Variants in HHAT observed in about 807,000 individuals in gnomAD.
HHAT encodes protein-cysteine N-palmitoyltransferase HHAT.
A neutral mutation model predicts 70.8 loss-of-function variants in HHAT; 47 were observed. That is an observed-to-expected ratio of 0.66 (90% CI 0.53 to 0.85). The LOEUF (loss-of-function observed/expected upper bound fraction) is 0.85. Ranked by LOEUF, HHAT falls within the 40% of genes least tolerant of loss-of-function variation. HHAT has a pLI of 0.00. For missense variants in HHAT, 609 were observed against 604.8 expected, an observed-to-expected ratio of 1.01 and a Z score of -0.07; for synonymous variants, 228 against 247.6, an observed-to-expected ratio of 0.92 and a Z score of 0.74.
intron 8 of HHAT, among the ~76,000 whole-genome samples, chr1:210,484,254 T>C (rs970074354): frequency 3.9e-5 from 6 of 152,188 alleles, no homozygotes; most frequent in Admixed American, 1.3e-4. Context: ...TTTTTGTCTT[T>C]TATGACATTA....
Position 210,455,878 on chromosome 1 carries a change from T to C in HHAT, c.857-8627T>C, listed in dbSNP as rs772605576. ...TGTATCTGTTTATGCTTTTACTGTTTGTGTGATTATTGTTTTACATGGATA... is the reference window on the plus strand; with the variant it reads ...TGTATCTGTTTATGCTTTTACTGTTCGTGTGATTATTGTTTTACATGGATA... On this transcript the variant is annotated intron_variant, in intron 7 of 11. Coordinates refer to ENST00000261458, the MANE Select transcript of HHAT (RefSeq NM_018194.6). 3.1e-4 allele frequency among the ~76,000 whole-genome samples: 47 copies of C among 152,322 alleles called. No individual in the cohort carries two copies. The Middle Eastern group carries it at 0.01, about 33-fold the overall frequency.
intron 3 of HHAT, among the ~76,000 whole-genome samples, chr1:210,378,019 G>A: frequency 6.6e-6 from 1 of 152,226 alleles, no homozygotes; most frequent in East Asian, 1.9e-4. Flanking sequence ...ATTGTAAGCA[G>A]TAAAATGATT....
intron 10 of HHAT, among the ~76,000 whole-genome samples, chr1:210,596,570 T>A (rs968084618): frequency 9.9e-5 from 15 of 151,804 alleles, no homozygotes; most frequent in African/African-American, 3.2e-4. Context: ...GTGTGCTAAT[T>A]CTTTCTTCTG....
chr1:210,572,785 A>G (rs1184656984), intron 9 of HHAT, among the ~76,000 whole-genome samples: 1 of 152,002 alleles, frequency 6.6e-6, no homozygotes, highest in Non-Finnish European at 1.5e-5. Context: ...GGTCCCAGCT[A>G]CTCAGAAGGC....
At chr1:210,598,832 G>A (rs1041963603) in intron 10 of HHAT, among the ~76,000 whole-genome samples, 10 of 152,350 alleles carry the variant, frequency 6.6e-5, no homozygotes, top group East Asian at 1.9e-4. Context: ...GAGTTTTTAT[G>A]TGTAGCTAGT....
intron 9 of HHAT, among the ~76,000 whole-genome samples, chr1:210,567,527 A>G (rs893693720): frequency 6.6e-6 from 1 of 152,166 alleles, no homozygotes; most frequent in African/African-American, 2.4e-5. Context: ...AAAATATTTA[A>G]CTCAATGGAA....
Position 210,463,526 on chromosome 1 carries a change from T to C in HHAT, c.857-979T>C, listed in dbSNP as rs74455355. ...GGTCTATTGTATGGACAGACCACAT[T>C]GTGTCTATCCATGCATTTGTTGACA... On this transcript the variant is annotated intron_variant, in intron 7 of 11. Coordinates refer to ENST00000261458, the MANE Select transcript of HHAT (RefSeq NM_018194.6). Among the ~76,000 whole-genome samples, 1,305 of 152,342 alleles carry C rather than the reference T, an allele frequency of 8.6e-3. 15 individuals are homozygous for C. The highest frequency in any genetic ancestry group is 0.029 in the African/African-American group (1,191 of 41,566).
At chr1:210,337,137 G>C (rs969331210) in intron 1 of HHAT, among the ~76,000 whole-genome samples, 1 of 152,134 alleles carries the variant, frequency 6.6e-6, no homozygotes, top group Non-Finnish European at 1.5e-5. Flanking sequence ...AGTGTGGGGG[G>C]AAATTAGAAA....
chr1:210,590,563 A>AAAAAAT (rs1432353433), intron 10 of HHAT: 3 of 149,514 alleles, frequency 2.0e-5, no homozygotes, highest in African/African-American at 7.5e-5. Context: ...AAAAAAAAAA[A>AAAAAAT]AGGCAACAGA....
chr1:210,400,703 C>G, intron 5 of HHAT, 41 bp downstream of exon 5: 1 of 1,574,674 alleles, frequency 6.4e-7, no homozygotes. Flanking sequence ...CAGAGAAGGC[C>G]CCTTTGGCTT....
At chr1:210,382,368 C>A (rs992316311) in intron 3 of HHAT, among the ~76,000 whole-genome samples, 4 of 152,202 alleles carry the variant, frequency 2.6e-5, no homozygotes, top group African/African-American at 9.6e-5. Flanking sequence ...TCATTTTACA[C>A]ACAAGGAAAT....
At chr1:210,573,121 C>T (rs942133529) in intron 9 of HHAT, among the ~76,000 whole-genome samples, 2 of 152,216 alleles carry the variant, frequency 1.3e-5, no homozygotes, top group Non-Finnish European at 2.9e-5. Context: ...TTTTGTAACT[C>T]TTCAAGAGCA....
intron 10 of HHAT, among the ~76,000 whole-genome samples, chr1:210,604,571 A>C (rs1184748131): frequency 6.6e-6 from 1 of 152,192 alleles, no homozygotes; most frequent in African/African-American, 2.4e-5. Flanking sequence ...TTTGTGATAC[A>C]TAGTCTCTTA....
intron 9 of HHAT, among the ~76,000 whole-genome samples, chr1:210,516,915 C>T (rs2095066486): frequency 1.3e-5 from 2 of 152,202 alleles, no homozygotes; most frequent in Non-Finnish European, 2.9e-5. Flanking sequence ...TTGGAGTGCT[C>T]CACTGAGCCA....
chr1:210,401,770 T>A (rs1249438175), intron 5 of HHAT, among the ~76,000 whole-genome samples: 1 of 152,188 alleles, frequency 6.6e-6, no homozygotes, highest in Non-Finnish European at 1.5e-5. Flanking sequence ...GCCTTCTGAG[T>A]TGAGTTTCCT....
At chr1:210,524,471 C>A (rs2095215749) in intron 9 of HHAT, among the ~76,000 whole-genome samples, 1 of 152,072 alleles carries the variant, frequency 6.6e-6, no homozygotes, top group Non-Finnish European at 1.5e-5. Flanking sequence ...GTGCAAGCCC[C>A]CGCCCCTGAG....
At chr1:210,574,738 C>T (rs2490219) in intron 9 of HHAT, among the ~76,000 whole-genome samples, 51,062 of 152,150 alleles carry the variant, frequency 0.34, 10,397 homozygotes, top group East Asian at 0.64. Context: ...GCCACAAAAG[C>T]ATTACACCAC....
intron 9 of HHAT, among the ~76,000 whole-genome samples, chr1:210,525,731 A>C (rs1046908250): frequency 8.5e-5 from 13 of 152,196 alleles, no homozygotes; most frequent in African/African-American, 3.1e-4. Context: ...GTTCCTGTGA[A>C]TAAATGTATC....
intron 1 of HHAT, among the ~76,000 whole-genome samples, chr1:210,340,064 G>A (rs1232838659): frequency 6.6e-6 from 1 of 151,892 alleles, no homozygotes. Flanking sequence ...TGGGGACTGG[G>A]CACAGTGGCC....
Sources: gnomAD v4.1 joint callset for allele counts (sites outside exome capture counted in the v4.1 genomes callset) on GRCh38, gnomAD v4.1.1 for gene constraint, MANE v1.5 for transcripts, NCBI Gene and HGNC (gene_info 2026-07-23, HGNC 2026-07-21) for gene names.